HAUS3: variants seen among roughly 807,000 people sequenced by gnomAD.
HAUS3 encodes the protein HAUS augmin-like complex subunit 3.
A neutral mutation model predicts 55.2 loss-of-function variants in HAUS3; 36 were observed. The ratio of observed to expected loss-of-function variants is 0.65; its 90% CI spans 0.50 to 0.86. HAUS3 has a LOEUF of 0.86. Ranked by LOEUF, HAUS3 falls within the 40% of genes least tolerant of loss-of-function variation. The pLI is 0.00. For missense variants in HAUS3, 752 were observed against 671.5 expected (o/e 1.12, Z -1.33); for synonymous variants, 234 against 238.6 (o/e 0.98, Z 0.18).
chr4:2,239,406 T>G (rs1292291292), intron 3 of HAUS3, among the ~76,000 whole-genome samples: 1 of 152,238 alleles, frequency 6.6e-6, no homozygotes, highest in Non-Finnish European at 1.5e-5. Context: ...AGTTGGCCAG[T>G]TGATTTTAGC....
chr4:2,241,961 A>T (rs934174884), intron 1 of HAUS3, 90 bp downstream of exon 1: 7 of 985,402 alleles, frequency 7.1e-6, no homozygotes, highest in Non-Finnish European at 8.4e-6. Flanking sequence ...AGCGCAGGAA[A>T]AAAAAGAGGC....
intron 5 of HAUS3, 131 bp from the exon 6 acceptor site, chr4:2,232,291 C>A (rs1232801282): frequency 4.1e-6 from 2 of 492,364 alleles, no homozygotes; most frequent in Non-Finnish European, 7.1e-6. Flanking sequence ...AATAAATAAA[C>A]CTCGATTTAA....
Position 2,240,230 on chromosome 4 carries a change from T to C in HAUS3, c.717A>G (p.Gln239=), listed in dbSNP as rs942443652. ...TAGATGGTGTCTGTATATCTAAAAG[T>C]TGAAAATTGTCTTCATTTGAACTTT... ...VVESSNEDNF[Q]LLDIQTPSIC... Residue 239 remains glutamine (Q), a synonymous_variant, in exon 3 of 6, where the codon CAA becomes CAG. Transcript: ENST00000443786. 8.7e-6 allele frequency: 14 copies of C among 1,613,660 alleles called. No homozygotes were observed. In the African/African-American group the frequency reaches 1.6e-4, roughly 18 times the overall value.
rs755184912 is a variant in HAUS3 at position 2,240,849 on chromosome 4, C to A, written c.98G>T (p.Gly33Val). Reference sequence around the variant, plus strand: ...CTTCAGAAACGATTCATCTTCAACGCCCTCAAACAACCAGTCAAAGTCTTC... The same window carrying A: ...CTTCAGAAACGATTCATCTTCAACGACCTCAAACAACCAGTCAAAGTCTTC... The part of the protein sequence containing the change: ...NGEDFDWLFE[G>V]VEDESFLKWF... Residue 33 changes from glycine to valine, a missense_variant, in exon 3 of 6, where the codon GGC becomes GTC. Coordinates refer to ENST00000443786, the MANE Select transcript of HAUS3 (RefSeq NM_001303143.2). The A allele has an allele frequency of 6.2e-7, 1 of 1,613,320 alleles. No individual in the cohort carries two copies. The highest frequency in any genetic ancestry group is 1.7e-5 in the Admixed American group (1 of 59,972).
chr4:2,232,274 T>C (rs1734609975), intron 5 of HAUS3, 114 bp from the exon 6 acceptor site: 1 of 513,672 alleles, frequency 1.9e-6, no homozygotes, highest in Non-Finnish European at 3.4e-6. Flanking sequence ...CTTCCCGCAA[T>C]TTTAGCAATA....
At chr4:2,236,842 G>A (rs1577799160) in intron 4 of HAUS3, among the ~76,000 whole-genome samples, 3 of 151,208 alleles carry the variant, frequency 2.0e-5, no homozygotes, top group South Asian at 4.2e-4. Flanking sequence ...CAGCCTGGGC[G>A]ACAGAGTGAG....
At chr4:2,238,421 A>C (rs1388932945) in intron 4 of HAUS3, among the ~76,000 whole-genome samples, 183 bp downstream of exon 4, 1 of 151,890 alleles carries the variant, frequency 6.6e-6, no homozygotes, top group Admixed American at 6.6e-5. Flanking sequence ...CATAAATGGA[A>C]AAGGCAGCAA....
intron 5 of HAUS3, among the ~76,000 whole-genome samples, chr4:2,232,985 C>A (rs143001020): frequency 6.6e-5 from 10 of 152,136 alleles, no homozygotes; most frequent in South Asian, 2.1e-4. Context: ...TGTACCCCCC[C>A]ACTAGACTAA....
chr4:2,228,641 G>A lies in HAUS3; in HGVS notation c.*3286C>T. 1 of 170,292 alleles carries A rather than the reference G, an allele frequency of 5.9e-6. No homozygotes were observed. The highest frequency in any genetic ancestry group is 1.3e-5 in the Non-Finnish European group (1 of 78,682). 10.5% of individuals were successfully genotyped at this position (170,292 alleles called of 1,614,324 possible). A position where few individuals can be genotyped will look rare whatever the true frequency, so the allele number is the denominator to read the frequency against. ...GTGAGCCACCGCACCCGGCCCCACT[G>A]CTTTTACTATTATACCACATCATAA... On this transcript the variant is annotated 3_prime_UTR_variant, in exon 6 of 6. Coordinates refer to ENST00000443786, the MANE Select transcript of HAUS3 (RefSeq NM_001303143.2).
At chr4:2,232,254 GA>G in intron 5 of HAUS3, 94 bp from the exon 6 acceptor site, 1 of 587,306 alleles carries the variant, frequency 1.7e-6, no homozygotes, top group South Asian at 3.0e-5. Context: ...GACTTTAAAG[GA>G]CTTAATAACT....
At position 2,236,403 on chromosome 4, in the gene HAUS3, T is replaced by G. The variant is rs747337817; in HGVS notation, c.1403A>C (p.His468Pro). The change falls in exon 5 of 6, where the codon CAT becomes CCT. Residue 468 changes from histidine to proline, a missense_variant. Coordinates refer to ENST00000443786, the MANE Select transcript of HAUS3 (RefSeq NM_001303143.2). ...ENKKKELFLT[H>P]GNLEEVAEKL... ...CTCAGCCACTTCCTCAAGGTTTCCA[T>G]GAGTTAGAAACAATTCTTTTTTCTT... The G allele has an allele frequency of 1.2e-6, 2 of 1,613,780 alleles. No homozygotes were observed. Among genetic ancestry groups the G allele is most frequent in the South Asian group, 1.1e-5 (1 of 91,080 alleles).
In HAUS3 at chr4:2,236,354, T is replaced by G. The variant is rs368786445; in HGVS notation, c.1452A>C (p.Leu484Phe). ...VAEKLKQNIS[L>F]VQDQLAVSAQ... Reference sequence around the variant, plus strand: ...CAGATACTGCCAACTGATCTTGTACTAAAGAAATATTCTGTTTCAATTTCT... The same window carrying G: ...CAGATACTGCCAACTGATCTTGTACGAAAGAAATATTCTGTTTCAATTTCT... Residue 484 changes from leucine (L) to phenylalanine (F), a missense_variant, in exon 5 of 6, where the codon TTA becomes TTC. Coordinates refer to ENST00000443786, the MANE Select transcript of HAUS3 (RefSeq NM_001303143.2). The G allele has an allele frequency of 1.2e-6, 2 of 1,612,684 alleles. No individual in the cohort carries two copies. Among genetic ancestry groups the G allele is most frequent in the African/African-American group, 2.7e-5 (2 of 74,928 alleles).
rs375505722 is a variant in HAUS3 at position 2,238,935 on chromosome 4, C to G, written c.1018G>C (p.Val340Leu). 1.2e-6 allele frequency: 2 copies of G among 1,609,208 alleles called. No homozygotes were observed. Among genetic ancestry groups the G allele is most frequent in the Non-Finnish European group, 1.7e-6 (2 of 1,177,860 alleles). The change falls in exon 4 of 6, where the codon GTA (valine) becomes CTA (leucine). Residue 340 changes from valine to leucine, a missense_variant. Coordinates refer to ENST00000443786, the MANE Select transcript of HAUS3 (RefSeq NM_001303143.2). ...TTCAATAACTGGGCATTCTCTCTTACCACAGCAGGTAAACTTCTGTCTTTT... is the reference window on the plus strand; with the variant it reads ...TTCAATAACTGGGCATTCTCTCTTAGCACAGCAGGTAAACTTCTGTCTTTT... ...QIKDRSLPAV[V>L]RENAQLLNMP... is the part of the protein sequence containing the mutation.
intron 5 of HAUS3, among the ~76,000 whole-genome samples, chr4:2,235,815 A>G (rs756150164): frequency 1.3e-5 from 2 of 152,164 alleles, no homozygotes; most frequent in Non-Finnish European, 2.9e-5. Flanking sequence ...TAATGAACAA[A>G]TTAAGCATGG....
chr4:2,240,208 ATGGTGTCTG>A lies in HAUS3; in HGVS notation c.730_738del (p.Gln244_Pro246del). 1 of 1,613,984 alleles carries A rather than the reference ATGGTGTCTG, an allele frequency of 6.2e-7. No homozygotes were observed. Among genetic ancestry groups the A allele is most frequent in the Non-Finnish European group, 8.5e-7 (1 of 1,179,904 alleles). On this transcript the variant is annotated inframe_deletion, in exon 3 of 6. Coordinates refer to ENST00000443786, the MANE Select transcript of HAUS3 (RefSeq NM_001303143.2). ...AGGATTTCTTGATTATCACAAATAG[ATGGTGTCTG>A]TATATCTAAAAGTTGAAAATTGTCT...
At chr4:2,238,537 A>C in intron 4 of HAUS3, 67 bp downstream of exon 4, 2 of 1,053,800 alleles carry the variant, frequency 1.9e-6, no homozygotes, top group Non-Finnish European at 2.6e-6. Flanking sequence ...TTTTAGCTCA[A>C]ACTCTCTCTA....
At position 2,240,841 on chromosome 4, in the gene HAUS3, C is replaced by T; in HGVS notation, c.106G>A (p.Asp36Asn). 1.9e-6 allele frequency: 3 copies of T among 1,613,546 alleles called. No individual in the cohort carries two copies. Among genetic ancestry groups the T allele is most frequent in the Non-Finnish European group, 2.5e-6 (3 of 1,180,006 alleles). ...DFDWLFEGVEDESFLKWFCGN... is the reference protein window; with the variant it reads ...DFDWLFEGVENESFLKWFCGN... ...CAAAACCACTTCAGAAACGATTCAT[C>T]TTCAACGCCCTCAAACAACCAGTCA... The change falls in exon 3 of 6, where the codon GAT (aspartate) becomes AAT (asparagine). Residue 36 changes from aspartate to asparagine, a missense_variant. By Grantham distance (23) the Asp-to-Asn change is conservative. Coordinates refer to ENST00000443786, the MANE Select transcript of HAUS3 (RefSeq NM_001303143.2).
intron 3 of HAUS3, 38 bp downstream of exon 3, chr4:2,240,000 A>G: frequency 6.7e-7 from 1 of 1,498,974 alleles, no homozygotes; most frequent in Non-Finnish European, 9.3e-7. Flanking sequence ...TCCTAACAAT[A>G]ATTACAATGT....
At position 2,242,074 on chromosome 4, in the gene HAUS3, C is replaced by T. The variant is rs1335648824; in HGVS notation, c.-442G>A. 3.0e-6 allele frequency: 3 copies of T among 985,652 alleles called. No homozygotes were observed. Among genetic ancestry groups the T allele is most frequent in the Admixed American group, 6.1e-5 (1 of 16,272 alleles). The allele number at this position is 985,652 out of a possible 1,614,324, so 61.1% of individuals were successfully genotyped here. ...ACCTCAGGAAGTTCCGCTTGCTTCT[C>T]GCAGGAGCCCGCCGCCACCGCCCTC... On this transcript the variant is annotated 5_prime_UTR_variant, in exon 1 of 6. Coordinates refer to ENST00000443786, the MANE Select transcript of HAUS3 (RefSeq NM_001303143.2).
Sources: allele counts gnomAD v4.1 joint callset (sites outside exome capture counted in the v4.1 genomes callset), GRCh38; gene constraint gnomAD v4.1.1; transcripts MANE v1.5; gene names NCBI Gene and HGNC (gene_info 2026-07-23, HGNC 2026-07-21).